The following SNRNP40 variants were observed in gnomAD, a reference collection of about 807,000 sequenced individuals.
SNRNP40 encodes U5 small nuclear ribonucleoprotein 40 kDa protein.
Under a neutral mutation model 45.8 loss-of-function variants are expected in SNRNP40, and 21 were observed. The ratio of observed to expected loss-of-function variants is 0.46; its 90% CI spans 0.32 to 0.66. The LOEUF (loss-of-function observed/expected upper bound fraction) is 0.66, where lower values mean the gene tolerates loss of function less well. Among genes scored for constraint, SNRNP40 ranks in the 30% least tolerant of loss-of-function variants. The pLI is 0.03. For synonymous variants in SNRNP40, 142 were observed against 163.8 expected (o/e 0.87, Z 1.01); for missense variants, 344 against 439.1 (o/e 0.78, Z 1.94).
intron 5 of SNRNP40, among the ~76,000 whole-genome samples, chr1:31,280,042 A>C (rs1321243973): frequency 7.7e-6 from 1 of 130,496 alleles, no homozygotes; most frequent in South Asian, 2.8e-4. Context: ...GGGACCCAGG[A>C]GGCAGAGGTT....
At chr1:31,263,913 TAAAAAAAAAA>T (rs11419603) in intron 8 of SNRNP40, among the ~76,000 whole-genome samples, 3 of 107,008 alleles carry the variant, frequency 2.8e-5, no homozygotes, top group African/African-American at 1.1e-4. Context: ...ATGTACTGGC[TAAAAAAAAAA>T]AAAAAAAAAA....
intron 5 of SNRNP40, among the ~76,000 whole-genome samples, chr1:31,279,678 C>G (rs1646001674): frequency 1.3e-5 from 2 of 150,818 alleles, no homozygotes; most frequent in Admixed American, 1.3e-4. Flanking sequence ...ACCCAGGAGG[C>G]AGAAGTTGCA....
At chr1:31,262,541 AAAAGAGG>A (rs1557672147) in intron 8 of SNRNP40, among the ~76,000 whole-genome samples, 1 of 98,728 alleles carries the variant, frequency 1.0e-5, no homozygotes, top group Non-Finnish European at 2.6e-5. Flanking sequence ...AAAAAAAAAA[AAAAGAGG>A]AGAAAAAAGA....
chr1:31,260,957 A>G, intron 9 of SNRNP40: 1 of 1,150,856 alleles, frequency 8.7e-7, no homozygotes, highest in South Asian at 1.5e-5. Context: ...AGACTTACCA[A>G]CTTCCCTTTG....
intron 5 of SNRNP40, among the ~76,000 whole-genome samples, chr1:31,272,276 TG>T (rs1168229687): frequency 2.0e-5 from 3 of 152,200 alleles, no homozygotes; most frequent in Admixed American, 2.0e-4. Context: ...TGTACATGTA[TG>T]GATATGTACA....
At chr1:31,295,855 G>C (rs1285062659) in intron 1 of SNRNP40, among the ~76,000 whole-genome samples, 1 of 152,248 alleles carries the variant, frequency 6.6e-6, no homozygotes, top group African/African-American at 2.4e-5. Flanking sequence ...GGTAGAAGTA[G>C]CAATTCTAGA....
intron 4 of SNRNP40, among the ~76,000 whole-genome samples, chr1:31,283,183 G>C (rs1646032198): frequency 6.6e-6 from 1 of 152,218 alleles, no homozygotes; most frequent in African/African-American, 2.4e-5. Flanking sequence ...GAGAATTTTT[G>C]TTCTTGTTGT....
Position 31,293,227 on chromosome 1 carries a change from C to G in SNRNP40, c.263G>C (p.Arg88Pro). ...CAAAAACTATGCCTCACATATCAGT[C>G]GGTCAAATCCTGCAGATGCTAAGGT... ...GSTLASAGFD[R>P]LILLWNVYGD... is the part of the protein sequence containing the mutation. Residue 88 changes from arginine to proline, a missense_variant, in exon 2 of 10, where the codon CGA becomes CCA. Around this residue, in one of 2 missense-constraint regions of SNRNP40, gnomAD observed 254 missense variants for 380.2 expected, o/e 0.67. Coordinates refer to ENST00000263694, the MANE Select transcript of SNRNP40 (RefSeq NM_004814.3). 6.2e-7 allele frequency: 1 copy of G among 1,613,796 alleles called. No individual in the cohort carries two copies. The highest frequency in any genetic ancestry group is 1.3e-5 in the African/African-American group (1 of 75,006).
At chr1:31,280,170 CT>C (rs35154603) in intron 5 of SNRNP40, among the ~76,000 whole-genome samples, 61 of 127,158 alleles carry the variant, frequency 4.8e-4, no homozygotes, top group Admixed American at 7.3e-4. Context: ...ATATTCCTTT[CT>C]TTTTTTTTTT....
At chr1:31,263,344 T>C (rs1557672427) in intron 8 of SNRNP40, 1 of 132,726 alleles carries the variant, frequency 7.5e-6, no homozygotes, top group African/African-American at 2.7e-5. Context: ...TCAATTAATT[T>C]TTTTTTTTTT....
Position 31,281,356 on chromosome 1 carries a change from C to G in SNRNP40, c.654+18G>C. ...GCAGATAGATGAAATGGAAATATAT[C>G]ATAAACATCAAACATACCTTGATAT... On this transcript the variant is annotated intron_variant, in intron 5 of 9. Coordinates refer to ENST00000263694, the MANE Select transcript of SNRNP40 (RefSeq NM_004814.3). 6.4e-7 allele frequency: 1 copy of G among 1,560,424 alleles called. No homozygotes were observed. Among genetic ancestry groups the G allele is most frequent in the Non-Finnish European group, 8.8e-7 (1 of 1,139,976 alleles).
In SNRNP40 at chr1:31,269,246, A is replaced by G. The variant is rs776893245; in HGVS notation, c.776-6T>C. 15 of 1,612,912 alleles carry G rather than the reference A, an allele frequency of 9.3e-6. No homozygotes were observed. The highest frequency in any genetic ancestry group is 6.7e-5 in the Admixed American group (4 of 59,748). ...CCGGACATCCCAGACACGAACTGCA[A>G]AACAAATCCAAATAAACAAACCAAC... On this transcript the variant is annotated splice_polypyrimidine_tract_variant and splice_region_variant and intron_variant, in intron 6 of 9. Transcript: ENST00000263694.
intron 8 of SNRNP40, among the ~76,000 whole-genome samples, chr1:31,266,670 T>G (rs1645898740): frequency 6.6e-6 from 1 of 152,238 alleles, no homozygotes; most frequent in African/African-American, 2.4e-5. Flanking sequence ...CTAGTTCACA[T>G]TTTGTTACAC....
At chr1:31,260,951 T>G in intron 9 of SNRNP40, 1 of 1,122,080 alleles carries the variant, frequency 8.9e-7, no homozygotes, top group Non-Finnish European at 1.1e-6. Flanking sequence ...AAAATTAGAC[T>G]TACCAACTTC....
chr1:31,294,883 G>A (rs868406612), intron 1 of SNRNP40, among the ~76,000 whole-genome samples: 1 of 149,618 alleles, frequency 6.7e-6, no homozygotes, highest in Non-Finnish European at 1.5e-5. Context: ...CGGAGGTTGC[G>A]GTGCACCGAG....
At chr1:31,283,837 T>C (rs1168072663) in intron 4 of SNRNP40, among the ~76,000 whole-genome samples, 1 of 152,198 alleles carries the variant, frequency 6.6e-6, no homozygotes, top group African/African-American at 2.4e-5. Context: ...GCTAACCACA[T>C]GCCAAAGAAT....
chr1:31,264,633 G>A (rs1396428885), intron 8 of SNRNP40, among the ~76,000 whole-genome samples: 1 of 152,184 alleles, frequency 6.6e-6, no homozygotes, highest in Non-Finnish European at 1.5e-5. Flanking sequence ...TATAGCTATT[G>A]TTATTATAAG....
At chr1:31,274,722 C>T (rs915352362) in intron 5 of SNRNP40, among the ~76,000 whole-genome samples, 1 of 151,082 alleles carries the variant, frequency 6.6e-6, no homozygotes. Context: ...GCCAGATTGC[C>T]AGCCAGACCA....
At chr1:31,295,170 G>A (rs1406318189) in intron 1 of SNRNP40, among the ~76,000 whole-genome samples, 11 of 152,002 alleles carry the variant, frequency 7.2e-5, no homozygotes, top group Admixed American at 7.2e-4. Flanking sequence ...TGTGCGGATT[G>A]CTTGAGCTCA....
Sources: gnomAD v4.1 joint callset for allele counts (sites outside exome capture counted in the v4.1 genomes callset) on GRCh38, gnomAD v4.1.1 for gene constraint, gnomAD v4.1.1 regional missense constraint, MANE v1.5 for transcripts, NCBI Gene and HGNC (gene_info 2026-07-23, HGNC 2026-07-21) for gene names.